Variants in ANO1 observed in about 807,000 individuals in gnomAD.
The protein encoded by ANO1 is anoctamin 1.
Under a neutral mutation model 124.0 loss-of-function variants are expected in ANO1, and 59 were observed. The ratio of observed to expected loss-of-function variants is 0.48; its 90% CI spans 0.39 to 0.59. The LOEUF (loss-of-function observed/expected upper bound fraction) is 0.59. Among genes scored for constraint, ANO1 ranks in the 20% least tolerant of loss-of-function variants. The pLI is 0.00. For synonymous variants in ANO1, 529 were observed against 532.0 expected (o/e 0.99, Z 0.08); for missense variants, 1,059 against 1,328.0 (o/e 0.80, Z 3.15).
At position 70,116,313 on chromosome 11, in the gene ANO1, C is replaced by G; in HGVS notation, c.856-145C>G. ...CGGGGGCACACCTGGGCAACCCTCA[C>G]ACTCTGTGTGAAATGTTGCCCCAGG... On this transcript the variant is annotated intron_variant, in intron 7 of 25. Coordinates refer to ENST00000355303, the MANE Select transcript of ANO1 (RefSeq NM_018043.7). 3.3e-6 allele frequency: 3 copies of G among 901,532 alleles called. 1 individual carries two copies. In the South Asian group the frequency reaches 4.9e-5, roughly 15 times the overall value. 55.8% of individuals were successfully genotyped at this position (901,532 alleles called of 1,614,324 possible).
Position 70,124,394 on chromosome 11 carries a change from C to A in ANO1, c.942C>A (p.Tyr314Ter). ...CACGCTATGGAGTTTTCTATAAGTA[C>A]CAGCCCATCGACCTGGTCAGGTAAG... is the stretch of plus-strand genomic sequence containing the variant. ...EWARYGVFYKYQPIDLVRKYF... is the reference protein window; with the variant it reads ...EWARYGVFYK The change falls in exon 9 of 26, where the codon TAC (tyrosine) becomes TAA (stop). Residue 314 changes from tyrosine (Y) to a stop codon, truncating the protein, a stop_gained. Coordinates refer to ENST00000355303, the MANE Select transcript of ANO1 (RefSeq NM_018043.7). LOFTEE classifies it high-confidence loss of function. 1.2e-6 allele frequency: 2 copies of A among 1,613,788 alleles called. No individual in the cohort carries two copies. Among genetic ancestry groups the A allele is most frequent in the Non-Finnish European group, 1.7e-6 (2 of 1,179,866 alleles).
intron 2 of ANO1, among the ~76,000 whole-genome samples, chr11:70,101,662 C>A (rs2045282238): frequency 6.7e-6 from 1 of 148,498 alleles, no homozygotes; most frequent in South Asian, 2.2e-4. Flanking sequence ...CTACAATGAA[C>A]CTATGTACTT....
chr11:70,028,402 C>G (rs1555003438), intron 1 of ANO1, among the ~76,000 whole-genome samples: 1 of 152,176 alleles, frequency 6.6e-6, no homozygotes. Context: ...ACTCTGCCAC[C>G]CCAGGGACAA....
intron 6 of ANO1, among the ~76,000 whole-genome samples, chr11:70,109,583 G>C (rs1398462839): frequency 2.0e-5 from 3 of 152,168 alleles, no homozygotes; most frequent in Non-Finnish European, 4.4e-5. Flanking sequence ...TGGGAGTTTG[G>C]GTTTTTGAAA....
chr11:70,080,797 G>A (rs2044178257), intron 1 of ANO1, among the ~76,000 whole-genome samples: 1 of 152,172 alleles, frequency 6.6e-6, no homozygotes, highest in Non-Finnish European at 1.5e-5. Context: ...GCTGTGGGAG[G>A]CAGACCCTGG....
chr11:70,026,592 T>G (rs1555003254), intron 1 of ANO1, among the ~76,000 whole-genome samples: 2 of 152,002 alleles, frequency 1.3e-5, no homozygotes, highest in Admixed American at 1.3e-4. Flanking sequence ...ATGGTGGTGG[T>G]GGTGGTAGTG....
At position 70,134,406 on chromosome 11, in the gene ANO1, G is replaced by A. The variant is rs79503773; in HGVS notation, c.1258+2327G>A. 2.4e-3 allele frequency among the ~76,000 whole-genome samples: 372 copies of A among 152,256 alleles called. 3 individuals carry two copies. Among genetic ancestry groups the A allele is most frequent in the Middle Eastern group, 0.017 (5 of 294 alleles). On this transcript the variant is annotated intron_variant, in intron 11 of 25. Coordinates refer to ENST00000355303, the MANE Select transcript of ANO1 (RefSeq NM_018043.7). ...CCGTGTACATTTCTATAGCGCCCCC[G>A]GGGCTCAGACTCCCGCTCTGCCAGT...
chr11:70,115,427 A>C (rs1200953292), intron 7 of ANO1, among the ~76,000 whole-genome samples: 1 of 152,178 alleles, frequency 6.6e-6, no homozygotes, highest in Non-Finnish European at 1.5e-5. Context: ...AGCCTGACCA[A>C]CGTGGTGAAA....
intron 2 of ANO1, among the ~76,000 whole-genome samples, chr11:70,101,932 G>T (rs1275711744): frequency 6.6e-6 from 1 of 152,208 alleles, no homozygotes; most frequent in African/African-American, 2.4e-5. Context: ...GGCAGCTCTG[G>T]CTCAGGGAGA....
At chr11:70,089,706 G>A (rs1186046532) in intron 2 of ANO1, among the ~76,000 whole-genome samples, 1 of 152,164 alleles carries the variant, frequency 6.6e-6, no homozygotes, top group Non-Finnish European at 1.5e-5. Flanking sequence ...TGCCTTTGGG[G>A]GCAGCTGCCA....
the ANO1 span, among the ~76,000 whole-genome samples, chr11:69,968,476 G>A: frequency 6.6e-6 from 1 of 152,222 alleles, no homozygotes; most frequent in Non-Finnish European, 1.5e-5. Context: ...TCGACGTGTC[G>A]GAGAGTCAAG....
chr11:70,187,775 TC>T lies in ANO1; in HGVS notation c.2733del (p.Ile912SerfsTer89). ...VMFMSDFVDW[V>X]IPDIPKDISQ... The stretch of plus-strand genomic sequence containing the variant: ...TTCATGAGCGACTTTGTGGACTGGG[TC>T]ATCCCGGACATCCCCAAGGACATCA... On this transcript the variant is annotated frameshift_variant, in exon 26 of 26. Coordinates refer to ENST00000355303, the MANE Select transcript of ANO1 (RefSeq NM_018043.7). LOFTEE classifies it high-confidence loss of function. 2 of 1,609,610 alleles carry T rather than the reference TC, an allele frequency of 1.2e-6. No homozygotes were observed. The highest frequency in any genetic ancestry group is 1.7e-6 in the Non-Finnish European group (2 of 1,178,226).
At chr11:70,117,100 C>CTTTTTTTTTTT (rs756764991) in intron 8 of ANO1, among the ~76,000 whole-genome samples, 12 of 61,516 alleles carry the variant, frequency 2.0e-4, no homozygotes, top group East Asian at 4.9e-4. Context: ...TTGTTTCTTT[C>CTTTTTTTTTTT]TTTTTTTTTT....
At position 70,060,801 on chromosome 11, in the gene ANO1, G is replaced by A. The variant is rs1857555823; in HGVS notation, c.59-17741G>A. Among the ~76,000 whole-genome samples, 3 of 152,288 alleles carry A rather than the reference G, an allele frequency of 2.0e-5. No homozygotes were observed. In the South Asian group the frequency reaches 6.2e-4, roughly 32 times the overall value. On this transcript the variant is annotated intron_variant, in intron 1 of 27. Coordinates refer to the ANO1 transcript ENST00000531349. ...CAGGTCATGGGCCTGGGTCCTGTGT[G>A]AGGGCTCCAGCAGCACAGCCTTGGA...
chr11:69,968,079 AC>A, the ANO1 span, among the ~76,000 whole-genome samples: 1 of 152,240 alleles, frequency 6.6e-6, no homozygotes, highest in East Asian at 1.9e-4. Flanking sequence ...TATCTATCCG[AC>A]CAGCCCCATC....
Position 70,065,601 on chromosome 11 carries a change from C to T in ANO1, c.59-12941C>T, listed in dbSNP as rs904824894. ...CGTCGTCCCTCTAGTTGGCCTGGCCCTCCCAACTTCCTCTCTGCCCTTGTC... is the reference window on the plus strand; with the variant it reads ...CGTCGTCCCTCTAGTTGGCCTGGCCTTCCCAACTTCCTCTCTGCCCTTGTC... On this transcript the variant is annotated intron_variant, in intron 1 of 27. Coordinates refer to the ANO1 transcript ENST00000531349. Among the ~76,000 whole-genome samples, 5 of 149,370 alleles carry T rather than the reference C, an allele frequency of 3.3e-5. No homozygotes were observed. In the Middle Eastern group the frequency reaches 0.014, roughly 415 times the overall value.
intron 1 of ANO1, among the ~76,000 whole-genome samples, chr11:70,069,718 C>A (rs79582045): frequency 6.6e-6 from 1 of 152,054 alleles, no homozygotes; most frequent in South Asian, 2.1e-4. Flanking sequence ...ACGTTAGAGG[C>A]GGGGCAGGCA....
rs1439515589 is a variant in ANO1 at position 70,180,070 on chromosome 11, G to A, written c.2403+14G>A. On this transcript the variant is annotated intron_variant, in intron 23 of 25. Transcript: ENST00000355303. ...GTCATCATCAATGTAAGTGACATCA[G>A]GGACCTTGGCAGAATGGAAGTCCCG... 2 of 1,610,460 alleles carry A rather than the reference G, an allele frequency of 1.2e-6. No individual in the cohort carries two copies. Among genetic ancestry groups the A allele is most frequent in the East Asian group, 2.2e-5 (1 of 44,864 alleles).
rs540695042 is a variant in ANO1, at chr11:70,016,727, G to A, written c.58+30561G>A. Among the ~76,000 whole-genome samples, 31 of 152,340 alleles carry A rather than the reference G, an allele frequency of 2.0e-4. 1 individual carries two copies. The South Asian group carries it at 5.6e-3, about 27-fold the overall frequency. The stretch of plus-strand genomic sequence containing the variant: ...CTGCAAAAGAGTTGCAGAGGGTCAC[G>A]GCTCAAGCCAGGCCCCAAAGTAGGG... On this transcript the variant is annotated intron_variant, in intron 1 of 27. Coordinates refer to the ANO1 transcript ENST00000531349.
Sources: gnomAD v4.1 joint callset for allele counts (sites outside exome capture counted in the v4.1 genomes callset) on GRCh38, gnomAD v4.1.1 for gene constraint, MANE v1.5 for transcripts, NCBI Gene and HGNC (gene_info 2026-07-23, HGNC 2026-07-21) for gene names.